The following UNC13C variants were observed in gnomAD, a reference collection of about 807,000 sequenced individuals.
The protein encoded by UNC13C is unc-13 homolog C, also known as protein unc-13 homolog C.
Under a neutral mutation model 245.4 loss-of-function variants are expected in UNC13C, and 174 were observed. The ratio of observed to expected loss-of-function variants is 0.71; its 90% CI spans 0.63 to 0.80. The LOEUF (loss-of-function observed/expected upper bound fraction) is 0.80, where lower values mean the gene tolerates loss of function less well. Among genes scored for constraint, UNC13C ranks in the 30% least tolerant of loss-of-function variants. The pLI is 0.00. For missense variants in UNC13C, 2,829 were observed against 2,602.9 expected, an observed-to-expected ratio of 1.09 and a Z score of -1.89; for synonymous variants, 992 against 895.1, an observed-to-expected ratio of 1.11 and a Z score of -1.93.
chr15:53,993,942 G>C (rs1314068467), intron 1 of UNC13C, among the ~76,000 whole-genome samples: 2 of 152,032 alleles, frequency 1.3e-5, no homozygotes, highest in African/African-American at 4.8e-5. Flanking sequence ...CTTCCTTTGT[G>C]AGAAGGAGCT....
chr15:54,394,358 C>G (rs369591478), intron 18 of UNC13C, among the ~76,000 whole-genome samples: 24 of 151,794 alleles, frequency 1.6e-4, no homozygotes, highest in Middle Eastern at 3.4e-3. Context: ...TTATATCTGC[C>G]TTTTCTTCCT....
At chr15:54,374,449 G>A (rs1018341223) in intron 17 of UNC13C, among the ~76,000 whole-genome samples, 2 of 152,166 alleles carry the variant, frequency 1.3e-5, no homozygotes, top group Non-Finnish European at 2.9e-5. Flanking sequence ...AGGCAGCAGG[G>A]AGCTGGCATT....
intron 1 of UNC13C, among the ~76,000 whole-genome samples, chr15:54,000,565 A>T (rs1894840480): frequency 6.6e-6 from 1 of 152,330 alleles, no homozygotes; most frequent in Non-Finnish European, 1.5e-5. Flanking sequence ...TTCATAAGTC[A>T]GCCTCTTGTT....
chr15:54,024,553 A>G (rs1271384439), intron 2 of UNC13C, among the ~76,000 whole-genome samples: 3 of 150,282 alleles, frequency 2.0e-5, no homozygotes, highest in Non-Finnish European at 3.0e-5. Flanking sequence ...GTAAAACTGG[A>G]CAGAGCTAAA....
chr15:54,315,661 C>T (rs984785255), intron 13 of UNC13C, among the ~76,000 whole-genome samples: 1 of 151,572 alleles, frequency 6.6e-6, no homozygotes, highest in African/African-American at 2.4e-5. Context: ...GTCCATGTCT[C>T]CAAAAACCAG....
chr15:54,493,556 A>C (rs886816363), intron 19 of UNC13C, among the ~76,000 whole-genome samples: 2 of 152,066 alleles, frequency 1.3e-5, no homozygotes, highest in African/African-American at 2.4e-5. Flanking sequence ...GGATGCCTTT[A>C]ATTTGTTTAT....
intron 13 of UNC13C, among the ~76,000 whole-genome samples, chr15:54,316,752 T>C (rs540236477): frequency 6.6e-6 from 1 of 152,026 alleles, no homozygotes; most frequent in East Asian, 2.0e-4. Flanking sequence ...GTCCTTGTGT[T>C]TCCTTCTGAC....
At chr15:54,021,522 C>A (rs999916198) in intron 2 of UNC13C, among the ~76,000 whole-genome samples, 2 of 152,192 alleles carry the variant, frequency 1.3e-5, no homozygotes, top group African/African-American at 4.8e-5. Context: ...ATTACAGATT[C>A]CTTTCTTTTT....
chr15:54,364,965 C>A (rs1360191537), intron 17 of UNC13C, among the ~76,000 whole-genome samples: 1 of 152,178 alleles, frequency 6.6e-6, no homozygotes, highest in African/African-American at 2.4e-5. Flanking sequence ...CTTACACTAG[C>A]GCTATGTCTA....
chr15:54,464,457 T>A (rs1262880302), intron 19 of UNC13C, among the ~76,000 whole-genome samples: 1 of 152,130 alleles, frequency 6.6e-6, no homozygotes, highest in African/African-American at 2.4e-5. Flanking sequence ...AAATAAACAT[T>A]ATAATTATTT....
At chr15:54,068,142 C>T (rs1397038912) in intron 2 of UNC13C, among the ~76,000 whole-genome samples, 1 of 152,054 alleles carries the variant, frequency 6.6e-6, no homozygotes, top group African/African-American at 2.4e-5. Context: ...TAAGGAAAGC[C>T]CCAAAGTTTT....
intron 1 of UNC13C, among the ~76,000 whole-genome samples, chr15:53,988,252 A>C (rs1334146881): frequency 1.3e-5 from 2 of 152,042 alleles, no homozygotes; most frequent in East Asian, 3.9e-4. Context: ...TTCTGATGAG[A>C]TACAATACAG....
intron 19 of UNC13C, among the ~76,000 whole-genome samples, chr15:54,458,044 G>T (rs186610312): frequency 1.2e-4 from 18 of 151,778 alleles, no homozygotes; most frequent in African/African-American, 4.3e-4. Flanking sequence ...GTTCCTTTAA[G>T]CACCACTTTT....
chr15:54,456,718 A>T (rs1166588941), intron 19 of UNC13C, among the ~76,000 whole-genome samples: 1 of 151,868 alleles, frequency 6.6e-6, no homozygotes, highest in Admixed American at 6.6e-5. Context: ...TAATTTGTGT[A>T]CATTGATTTT....
intron 18 of UNC13C, among the ~76,000 whole-genome samples, chr15:54,408,213 A>AAAAAAAC (rs2040344483): frequency 2.0e-5 from 3 of 146,430 alleles, no homozygotes; most frequent in Non-Finnish European, 3.0e-5. Flanking sequence ...AAAAAAAAAA[A>AAAAAAAC]AAAAAAAAAA....
the UNC13C span, among the ~76,000 whole-genome samples, chr15:53,920,310 A>C: frequency 6.6e-6 from 1 of 152,172 alleles, no homozygotes; most frequent in Non-Finnish European, 1.5e-5. Context: ...AGGGTGGCTC[A>C]CACCTGTAAT....
At chr15:54,511,569 A>G (rs1460179050) in intron 23 of UNC13C, among the ~76,000 whole-genome samples, 184 bp from the exon 24 acceptor site, 1 of 152,162 alleles carries the variant, frequency 6.6e-6, no homozygotes, top group African/African-American at 2.4e-5. Flanking sequence ...CCAATGTGGC[A>G]TTATGTTTCT....
intron 21 of UNC13C, 55 bp downstream of exon 21, chr15:54,500,230 A>G (rs8025195): frequency 0.46 from 583,591 of 1,273,256 alleles, 137,819 homozygotes; most frequent in East Asian, 0.74. Flanking sequence ...CACATTGCTT[A>G]CTTTTAACCT....
At chr15:54,167,070 C>A (rs1160362674) in intron 4 of UNC13C, among the ~76,000 whole-genome samples, 3 of 152,102 alleles carry the variant, frequency 2.0e-5, no homozygotes, top group African/African-American at 7.2e-5. Flanking sequence ...TACTACCTGA[C>A]TCCAAGATAT....
Sources: gnomAD v4.1 joint callset for allele counts (sites outside exome capture counted in the v4.1 genomes callset) on GRCh38, gnomAD v4.1.1 for gene constraint, MANE v1.5 for transcripts, NCBI Gene and HGNC (gene_info 2026-07-23, HGNC 2026-07-21) for gene names.